Variants in KAZN observed in about 807,000 individuals in gnomAD.
KAZN encodes the protein kazrin, periplakin interacting protein, also known as kazrin.
A neutral mutation model predicts 87.4 loss-of-function variants in KAZN; 40 were observed. The observed-to-expected ratio is 0.46, with a 90% CI of 0.36 to 0.60. The LOEUF is 0.60. Ranked by LOEUF, KAZN falls within the 20% of genes least tolerant of loss-of-function variation. The pLI, the probability that KAZN is intolerant of heterozygous loss-of-function variation, is 0.00. For synonymous variants in KAZN, 466 were observed against 458.3 expected (o/e 1.02, Z -0.22); for missense variants, 898 against 1,073.9 (o/e 0.84, Z 2.29).
At chr1:14,913,315 A>G (rs1186180226) in intron 1 of KAZN, among the ~76,000 whole-genome samples, 4 of 152,176 alleles carry the variant, frequency 2.6e-5, no homozygotes, top group Non-Finnish European at 5.9e-5. Context: ...GTCTTTAAAA[A>G]CAAAAAGAAG....
intron 1 of KAZN, among the ~76,000 whole-genome samples, chr1:14,797,845 C>T (rs962129021): frequency 3.3e-5 from 5 of 152,156 alleles, no homozygotes; most frequent in Non-Finnish European, 5.9e-5. Context: ...TGAAATAGTC[C>T]TTGTGGAGTG....
chr1:14,489,628 G>A (rs1669539241), intron 2 of KAZN, among the ~76,000 whole-genome samples: 1 of 151,808 alleles, frequency 6.6e-6, no homozygotes. Context: ...CAGCTACTTG[G>A]GAGGCTGGGG....
chr1:14,570,382 T>A (rs1039186950), intron 2 of KAZN, among the ~76,000 whole-genome samples: 3 of 152,226 alleles, frequency 2.0e-5, no homozygotes, highest in Admixed American at 1.3e-4. Context: ...TGTACCTTTT[T>A]ACCCTCCTCC....
chr1:14,094,180 G>A (rs1644072827), intron 1 of KAZN, among the ~76,000 whole-genome samples: 1 of 152,108 alleles, frequency 6.6e-6, no homozygotes, highest in Non-Finnish European at 1.5e-5. Context: ...GAGGGCAGGA[G>A]AAGGTCAAAG....
At chr1:14,880,891 T>G (rs1653268819) in intron 1 of KAZN, among the ~76,000 whole-genome samples, 1 of 152,174 alleles carries the variant, frequency 6.6e-6, no homozygotes, top group South Asian at 2.1e-4. Flanking sequence ...CCTGTCCCAG[T>G]GGAATATGAT....
intron 1 of KAZN, among the ~76,000 whole-genome samples, chr1:14,814,041 C>T (rs1344080859): frequency 1.3e-5 from 2 of 152,184 alleles, no homozygotes; most frequent in African/African-American, 4.8e-5. Flanking sequence ...CTCACCTTGC[C>T]TCTGTCAATG....
intron 1 of KAZN, among the ~76,000 whole-genome samples, chr1:14,868,734 C>A (rs980902716): frequency 1.1e-4 from 17 of 151,748 alleles, no homozygotes; most frequent in Non-Finnish European, 7.4e-5. Flanking sequence ...GTCCCAGCTA[C>A]TAGGGAGGCT....
chr1:14,959,117 C>T (rs946128145), intron 1 of KAZN, among the ~76,000 whole-genome samples: 2 of 152,176 alleles, frequency 1.3e-5, no homozygotes, highest in Non-Finnish European at 1.5e-5. Context: ...TGCAGGGAGG[C>T]GGGGCAGAGT....
At chr1:14,964,189 G>A (rs962249249) in intron 2 of KAZN, among the ~76,000 whole-genome samples, 2 of 152,128 alleles carry the variant, frequency 1.3e-5, no homozygotes, top group Non-Finnish European at 2.9e-5. Flanking sequence ...TGGTTCTAGA[G>A]CTTGGATACA....
At chr1:14,167,487 A>C (rs10754913) in intron 1 of KAZN, among the ~76,000 whole-genome samples, 53,162 of 151,948 alleles carry the variant, frequency 0.35, 10,421 homozygotes, top group East Asian at 0.68. Flanking sequence ...CTCTGGGAGG[A>C]CGAGGCACGT....
chr1:14,135,145 G>A (rs1645081584), intron 1 of KAZN, among the ~76,000 whole-genome samples: 1 of 152,198 alleles, frequency 6.6e-6, no homozygotes, highest in South Asian at 2.1e-4. Flanking sequence ...TGGTAGGATT[G>A]TATGTTCTTT....
At chr1:14,394,502 C>CT (rs1470975640) in intron 2 of KAZN, among the ~76,000 whole-genome samples, 1 of 152,174 alleles carries the variant, frequency 6.6e-6, no homozygotes, top group African/African-American at 2.4e-5. Flanking sequence ...TTGGTTGATA[C>CT]TTTTATCATT....
At chr1:15,007,075 AAAG>A (rs1669099253) in intron 2 of KAZN, among the ~76,000 whole-genome samples, 1 of 127,390 alleles carries the variant, frequency 7.8e-6, no homozygotes, top group Non-Finnish European at 1.7e-5. Context: ...AAAAAAAAAA[AAAG>A]AAAAACAGAA....
intron 2 of KAZN, among the ~76,000 whole-genome samples, chr1:14,983,856 C>A (rs1393755851): frequency 5.3e-5 from 8 of 152,136 alleles, no homozygotes; most frequent in Non-Finnish European, 8.8e-5. Flanking sequence ...GCAGGAGAAT[C>A]TCTTGAACCC....
intron 2 of KAZN, among the ~76,000 whole-genome samples, chr1:14,518,581 C>A (rs189319359): frequency 5.3e-5 from 8 of 152,182 alleles, no homozygotes; most frequent in African/African-American, 1.9e-4. Flanking sequence ...CTGCTCTCGT[C>A]GCTTCATCTA....
intron 2 of KAZN, among the ~76,000 whole-genome samples, chr1:14,492,886 A>G (rs926267083): frequency 6.6e-6 from 1 of 151,424 alleles, no homozygotes; most frequent in African/African-American, 2.4e-5. Flanking sequence ...ACACACATGC[A>G]CACCACTACC....
At chr1:14,129,612 C>A (rs1180749106) in intron 1 of KAZN, among the ~76,000 whole-genome samples, 1 of 152,118 alleles carries the variant, frequency 6.6e-6, no homozygotes, top group Non-Finnish European at 1.5e-5. Flanking sequence ...GGGGAAGGCA[C>A]CTTGTTGGGG....
chr1:14,940,898 CTTTTTTTTTTTT>C (rs66777443), intron 1 of KAZN, among the ~76,000 whole-genome samples: 92 of 54,414 alleles, frequency 1.7e-3, no homozygotes, highest in African/African-American at 5.9e-3. Flanking sequence ...TTCTACCTTT[CTTTTTTTTTTTT>C]TTTTTTTTTT....
At chr1:13,918,472 A>T (rs1290656063) in intron 1 of KAZN, among the ~76,000 whole-genome samples, 1 of 152,250 alleles carries the variant, frequency 6.6e-6, no homozygotes, top group East Asian at 1.9e-4. Flanking sequence ...GTTTATTGAG[A>T]TGGAATCTAC....
Sources: allele counts gnomAD v4.1 joint callset (sites outside exome capture counted in the v4.1 genomes callset), GRCh38; gene constraint gnomAD v4.1.1; transcripts MANE v1.5; gene names NCBI Gene and HGNC (gene_info 2026-07-23, HGNC 2026-07-21).